Variants in ITGA1 observed in about 807,000 individuals in gnomAD.
ITGA1 encodes integrin alpha-1.
In ITGA1, 85 loss-of-function variants were observed where a neutral mutation model predicts 145.9. The observed-to-expected ratio is 0.58, with a 90% CI of 0.49 to 0.70. The LOEUF is 0.70. Among genes scored for constraint, ITGA1 ranks in the 30% least tolerant of loss-of-function variants. The probability of loss-of-function intolerance (pLI) is 0.00; values close to 1 mark genes in which losing one functional copy is unlikely to be tolerated. For synonymous variants in ITGA1, 520 were observed against 495.3 expected (o/e 1.05, Z -0.66); for missense variants, 1,351 against 1,418.7 (o/e 0.95, Z 0.77).
intron 6 of ITGA1, among the ~76,000 whole-genome samples, chr5:52,875,152 T>G (rs1427620024): frequency 6.6e-6 from 1 of 152,146 alleles, no homozygotes; most frequent in East Asian, 1.9e-4. Flanking sequence ...AGGAGAAAGG[T>G]AGAGATGGGG....
intron 13 of ITGA1, among the ~76,000 whole-genome samples, chr5:52,909,702 G>A (rs1750468311): frequency 1.3e-5 from 2 of 149,916 alleles, no homozygotes; most frequent in South Asian, 4.2e-4. Context: ...TTTTTGTCCT[G>A]GGCTGTTTTG....
At chr5:52,882,530 T>C (rs2111805868) in intron 7 of ITGA1, among the ~76,000 whole-genome samples, 1 of 152,106 alleles carries the variant, frequency 6.6e-6, no homozygotes, top group Admixed American at 6.5e-5. Context: ...GTGCAAAGTT[T>C]GAAAGAAATG....
intron 6 of ITGA1, 62 bp downstream of exon 6, chr5:52,865,879 A>G: frequency 7.4e-7 from 1 of 1,346,468 alleles, no homozygotes; most frequent in Non-Finnish European, 9.9e-7. Context: ...AATTTTTAAT[A>G]AAACCAAATA....
chr5:52,866,381 A>G (rs1001705265), intron 6 of ITGA1, among the ~76,000 whole-genome samples: 6 of 152,192 alleles, frequency 3.9e-5, no homozygotes, highest in African/African-American at 1.4e-4. Flanking sequence ...CACTTGAAAA[A>G]TAACTCCTAT....
rs553066071 is a variant in ITGA1, at chr5:52,938,540, C to A, written c.3078+1026C>A. On this transcript the variant is annotated intron_variant, in intron 24 of 28. Coordinates refer to ENST00000282588, the MANE Select transcript of ITGA1 (RefSeq NM_181501.2). Reference sequence around the variant, plus strand: ...AGGAAAAAATAAGCCTTTGGAATTTCCCTCTAATCCAAAAAAGCAGGTTTG... The same window carrying A: ...AGGAAAAAATAAGCCTTTGGAATTTACCTCTAATCCAAAAAAGCAGGTTTG... Among the ~76,000 whole-genome samples, 6 of 152,164 alleles carry A rather than the reference C, an allele frequency of 3.9e-5. No individual in the cohort carries two copies. The East Asian group carries it at 1.2e-3, about 29-fold the overall frequency.
chr5:52,933,829 A>G (rs1018046153), intron 22 of ITGA1, 65 bp from the exon 23 acceptor site: 1 of 763,376 alleles, frequency 1.3e-6, no homozygotes, highest in African/African-American at 1.8e-5. Flanking sequence ...GAGAAAGAAA[A>G]TAATGAGGCC....
At chr5:52,951,303 A>G (rs1279902418) in intron 28 of ITGA1, among the ~76,000 whole-genome samples, 1 of 152,190 alleles carries the variant, frequency 6.6e-6, no homozygotes, top group Non-Finnish European at 1.5e-5. Context: ...ATATATACAA[A>G]TTTGAAAAAT....
At chr5:52,794,907 C>A (rs921478626) in intron 1 of ITGA1, among the ~76,000 whole-genome samples, 1 of 151,726 alleles carries the variant, frequency 6.6e-6, no homozygotes, top group Non-Finnish European at 1.5e-5. Context: ...AAACTAATTG[C>A]CATTATGTGT....
chr5:52,873,558 A>G (rs949963886), intron 6 of ITGA1, among the ~76,000 whole-genome samples: 1 of 152,202 alleles, frequency 6.6e-6, no homozygotes, highest in Non-Finnish European at 1.5e-5. Context: ...ATAATGACAA[A>G]ATGTTAAACC....
chr5:52,860,716 C>A (rs529824294), intron 2 of ITGA1, among the ~76,000 whole-genome samples: 93 of 152,284 alleles, frequency 6.1e-4, no homozygotes, highest in African/African-American at 2.1e-3. Context: ...ACCCAAGTAT[C>A]TTACTATTTA....
chr5:52,821,338 CA>C (rs1263088645), intron 1 of ITGA1, among the ~76,000 whole-genome samples: 1 of 152,076 alleles, frequency 6.6e-6, no homozygotes, highest in Non-Finnish European at 1.5e-5. Context: ...CTATGTCAGT[CA>C]AAAAAGTATG....
At chr5:52,816,023 T>A (rs1748762464) in intron 1 of ITGA1, among the ~76,000 whole-genome samples, 1 of 152,164 alleles carries the variant, frequency 6.6e-6, no homozygotes, top group Non-Finnish European at 1.5e-5. Flanking sequence ...GCTGTGGAAT[T>A]ACACCACCTG....
intron 1 of ITGA1, among the ~76,000 whole-genome samples, chr5:52,840,755 T>A (rs1274537357): frequency 6.6e-6 from 1 of 152,194 alleles, no homozygotes; most frequent in Non-Finnish European, 1.5e-5. Context: ...CTCTAGGAGT[T>A]ATTCTGGGTA....
At chr5:52,807,989 G>C (rs1407573643) in intron 1 of ITGA1, among the ~76,000 whole-genome samples, 1 of 152,112 alleles carries the variant, frequency 6.6e-6, no homozygotes, top group African/African-American at 2.4e-5. Flanking sequence ...ATATCAGCAG[G>C]AGATGACCAC....
intron 2 of ITGA1, among the ~76,000 whole-genome samples, chr5:52,857,704 T>G (rs1749538899): frequency 6.6e-6 from 1 of 152,204 alleles, no homozygotes; most frequent in Non-Finnish European, 1.5e-5. Flanking sequence ...TATTTCACCT[T>G]CAGATGTCAA....
Position 52,861,486 on chromosome 5 carries a change from C to A in ITGA1, c.222C>A (p.Asn74Lys). ...CTCCGTTAGTTGGCCAACCCAAAAA[C>A]AGAACTGGAGATGTCTATAAGTGTC... The part of the protein sequence containing the change: ...IGSPLVGQPK[N>K]RTGDVYKCPV... Residue 74 changes from asparagine to lysine, a missense_variant, in exon 3 of 29, where the codon AAC becomes AAA. Asn to Lys is a moderately conservative substitution (Grantham distance 94, BLOSUM62 0). Transcript: ENST00000282588. The A allele has an allele frequency of 6.2e-7, 1 of 1,613,804 alleles. No individual in the cohort carries two copies. Among genetic ancestry groups the A allele is most frequent in the Non-Finnish European group, 8.5e-7 (1 of 1,179,836 alleles).
At chr5:52,791,196 A>G (rs1030003783) in intron 1 of ITGA1, among the ~76,000 whole-genome samples, 1 of 152,240 alleles carries the variant, frequency 6.6e-6, no homozygotes, top group East Asian at 1.9e-4. Context: ...TCACATATAA[A>G]GGATTTAACT....
chr5:52,818,819 C>T (rs1193394792), intron 1 of ITGA1, among the ~76,000 whole-genome samples: 2 of 152,102 alleles, frequency 1.3e-5, no homozygotes, highest in Admixed American at 6.6e-5. Context: ...AATTTTAATT[C>T]TATTCCATTT....
intron 19 of ITGA1, among the ~76,000 whole-genome samples, chr5:52,925,942 T>A (rs1204098247): frequency 6.6e-6 from 1 of 152,206 alleles, no homozygotes; most frequent in African/African-American, 2.4e-5. Context: ...CTGTGTCTTA[T>A]TGATTTGTAA....
Sources: gnomAD v4.1 joint callset for allele counts (sites outside exome capture counted in the v4.1 genomes callset) on GRCh38, gnomAD v4.1.1 for gene constraint, MANE v1.5 for transcripts, NCBI Gene and HGNC (gene_info 2026-07-23, HGNC 2026-07-21) for gene names.